The following TRIM14 variants were observed in gnomAD, a reference collection of about 807,000 sequenced individuals.
The protein encoded by TRIM14 is tripartite motif containing 14.
TRIM14 carries 28 observed loss-of-function variants against 44.5 expected under a neutral mutation model. The ratio of observed to expected loss-of-function variants is 0.63; its 90% confidence interval spans 0.47 to 0.86. The LOEUF is 0.86. Ranked by LOEUF, TRIM14 falls within the 40% of genes least tolerant of loss-of-function variation. The probability of loss-of-function intolerance (pLI) is 0.00; values close to 1 mark genes in which losing one functional copy is unlikely to be tolerated. For missense variants in TRIM14, 607 were observed against 611.1 expected (o/e 0.99, Z 0.07); for synonymous variants, 299 against 269.2 (o/e 1.11, Z -1.08).
rs111495494 is a variant in TRIM14, at chr9:98,095,085, C to A, written c.538-56G>T. On this transcript the variant is annotated intron_variant, in intron 3 of 5. Coordinates refer to ENST00000341469, the MANE Select transcript of TRIM14 (RefSeq NM_014788.4). The surrounding 1 kb of genome is among the most constrained non-coding windows in gnomAD (Gnocchi z 4.1). ...CTGGGAGATGCAGGCAGCATCCCAG[C>A]CTCCTGTGCTGCACCCAGGAACAAA... 3,907 of 1,567,184 alleles carry A rather than the reference C, an allele frequency of 2.5e-3. 91 individuals carry two copies. The African/African-American group carries it at 0.047, about 19-fold the overall frequency.
chr9:98,099,860 C>T (rs1421061159), intron 3 of TRIM14, 71 bp downstream of exon 3: 1 of 1,391,568 alleles, frequency 7.2e-7, no homozygotes, highest in Non-Finnish European at 1.0e-6. Context: ...ATACTGTGCT[C>T]AATGCCACAA....
chr9:98,062,530 A>C, the TRIM14 span, among the ~76,000 whole-genome samples: 1 of 152,190 alleles, frequency 6.6e-6, no homozygotes, highest in African/African-American at 2.4e-5. Flanking sequence ...ACTGACCCAT[A>C]ATCCCTCTAT....
At chr9:98,054,360 C>T in the TRIM14 span, among the ~76,000 whole-genome samples, 101 of 152,254 alleles carry the variant, frequency 6.6e-4, 1 homozygote, top group Middle Eastern at 0.02. Flanking sequence ...GAAGTCTCCC[C>T]GAAATCTTAC....
At chr9:98,093,491 G>A (rs1193870905) in intron 4 of TRIM14, among the ~76,000 whole-genome samples, 3 of 152,296 alleles carry the variant, frequency 2.0e-5, no homozygotes, top group African/African-American at 7.2e-5. Context: ...GAGGAGCCGT[G>A]TCTAAGATGG....
At chr9:98,096,139 T>C (rs1453045093) in intron 3 of TRIM14, among the ~76,000 whole-genome samples, 1 of 151,896 alleles carries the variant, frequency 6.6e-6, no homozygotes, top group African/African-American at 2.4e-5. Context: ...GATGAGGGCC[T>C]CAGGAGGGAG....
chr9:98,088,276 T>C (rs1825870629), intron 5 of TRIM14, among the ~76,000 whole-genome samples: 1 of 152,254 alleles, frequency 6.6e-6, no homozygotes. Flanking sequence ...TAATTAAAAC[T>C]AATCCTATCA....
the TRIM14 span, chr9:98,057,044 C>T: frequency 2.9e-6 from 4 of 1,366,308 alleles, no homozygotes; most frequent in Non-Finnish European, 3.8e-6. Context: ...GTACCCTGGT[C>T]CGGCCTCTTC....
the TRIM14 span, among the ~76,000 whole-genome samples, chr9:98,056,376 C>T: frequency 6.6e-6 from 1 of 152,180 alleles, no homozygotes; most frequent in Admixed American, 6.5e-5. Flanking sequence ...CTCTAGCAAC[C>T]CTGTTTTTTC....
the TRIM14 span, among the ~76,000 whole-genome samples, chr9:98,057,407 C>A: frequency 5.3e-5 from 8 of 152,186 alleles, no homozygotes; most frequent in African/African-American, 1.9e-4. Context: ...TGGTCTCTCT[C>A]ACCCGCCATT....
Position 98,094,994 on chromosome 9 carries a change from C to T in TRIM14, c.573G>A (p.Gln191=), listed in dbSNP as rs1436078678. ...GATGGCACAGCTCCCCGAGGCTCAT[C>T]TGCTGCTGCATCTCCTGCTCGGTGG... ...YTATEQEMQQ[Q]MSLGELCHPV... is the part of the protein sequence containing the mutation. Residue 191 remains glutamine, a synonymous_variant, in exon 4 of 6, where the codon CAG becomes CAA. Coordinates refer to ENST00000341469, the MANE Select transcript of TRIM14 (RefSeq NM_014788.4). 6 of 1,614,100 alleles carry T rather than the reference C, an allele frequency of 3.7e-6. No individual in the cohort carries two copies. Among genetic ancestry groups the T allele is most frequent in the Non-Finnish European group, 4.2e-6 (5 of 1,180,008 alleles).
the TRIM14 span, among the ~76,000 whole-genome samples, chr9:98,040,383 T>G: frequency 6.6e-6 from 1 of 151,908 alleles, no homozygotes; most frequent in Non-Finnish European, 1.5e-5. Flanking sequence ...CGTTCCTCAT[T>G]CTCCTGGACT....
At chr9:98,109,756 T>C in intron 2 of TRIM14, 133 bp downstream of exon 2, 1 of 718,674 alleles carries the variant, frequency 1.4e-6, no homozygotes, top group South Asian at 1.7e-5. Flanking sequence ...CCCTGAATTA[T>C]AGAAGCTCCA....
downstream of TRIM14, among the ~76,000 whole-genome samples, chr9:98,064,876 C>CA (rs1829090020): frequency 6.6e-6 from 1 of 152,198 alleles, no homozygotes; most frequent in Non-Finnish European, 1.5e-5. Flanking sequence ...CAGTTCAAGA[C>CA]TGAAGTTGGC....
intron 1 of TRIM14, among the ~76,000 whole-genome samples, chr9:98,114,196 G>A (rs950334694): frequency 6.6e-6 from 1 of 152,176 alleles, no homozygotes; most frequent in African/African-American, 2.4e-5. Context: ...CTAAAAGTCT[G>A]ATATGTCTTG....
intron 5 of TRIM14, 35 bp from the exon 6 acceptor site, chr9:98,088,040 G>A (rs2118204273): frequency 7.0e-7 from 1 of 1,429,498 alleles, no homozygotes; most frequent in Non-Finnish European, 9.1e-7. Context: ...CACCTGGTGG[G>A]CGGGGCCAGC....
chr9:98,095,087 T>C lies in TRIM14; in HGVS notation c.538-58A>G. On this transcript the variant is annotated intron_variant, in intron 3 of 5. Transcript: ENST00000341469. The surrounding 1 kb of genome is among the most constrained non-coding windows in gnomAD (Gnocchi z 4.1). ...GGGAGATGCAGGCAGCATCCCAGCC[T>C]CCTGTGCTGCACCCAGGAACAAACC... The C allele has an allele frequency of 6.4e-7, 1 of 1,565,114 alleles. No homozygotes were observed. Among genetic ancestry groups the C allele is most frequent in the Admixed American group, 1.8e-5 (1 of 56,330 alleles).
chr9:98,070,267 G>A (rs920650961), intron 6 of TRIM14, among the ~76,000 whole-genome samples: 36 of 152,068 alleles, frequency 2.4e-4, no homozygotes, highest in Non-Finnish European at 1.0e-4. Context: ...ACAGGTGTAT[G>A]CCACCATGCC....
intron 2 of TRIM14, among the ~76,000 whole-genome samples, chr9:98,103,366 C>G (rs939753481): frequency 5.9e-5 from 9 of 151,970 alleles, no homozygotes; most frequent in African/African-American, 1.9e-4. Context: ...ATGTATACAT[C>G]TATATATTTG....
At chr9:98,043,997 T>C in the TRIM14 span, among the ~76,000 whole-genome samples, 10 of 146,254 alleles carry the variant, frequency 6.8e-5, no homozygotes, top group Non-Finnish European at 1.2e-4. Context: ...TCTTAGATTA[T>C]TTGTTTCCTT....
Sources: gnomAD v4.1 joint callset for allele counts (sites outside exome capture counted in the v4.1 genomes callset) on GRCh38, gnomAD v4.1.1 for gene constraint, Gnocchi (gnomAD v3.1) non-coding constraint, MANE v1.5 for transcripts, NCBI Gene and HGNC (gene_info 2026-07-23, HGNC 2026-07-21) for gene names.